The following ZNF83 variants were observed in gnomAD, a reference collection of about 807,000 sequenced individuals.
ZNF83 encodes zinc finger protein 816B.
For synonymous variants in ZNF83, 209 were observed against 213.0 expected (o/e 0.98, Z 0.17); for missense variants, 552 against 629.9 (o/e 0.88, Z 1.32).
intron 1 of ZNF83, among the ~76,000 whole-genome samples, chr19:52,677,695 G>T (rs993554441): frequency 4.6e-5 from 3 of 65,638 alleles, no homozygotes; most frequent in Non-Finnish European, 8.2e-5. Flanking sequence ...GAGACCACAG[G>T]CGTGAAGAAT....
intron 3 of ZNF83, among the ~76,000 whole-genome samples, chr19:52,645,803 C>CG (rs548393661): frequency 1.8e-4 from 8 of 44,718 alleles, no homozygotes; most frequent in South Asian, 1.4e-3. Flanking sequence ...TGAGATTCTG[C>CG]CCCCCCCCAA....
At position 52,687,635 on chromosome 19, in the gene ZNF83, A is replaced by ATATATATATATATATATAATG. The variant is rs2062066146; in HGVS notation, c.-283+2807_-283+2808insCATTATATATATATATATATA. Reference sequence around the variant, plus strand: ...TAATGTGTATATATATATATAATGTATATATATATATATATATATATAATG... The same window carrying ATATATATATATATATATAATG: ...TAATGTGTATATATATATATAATGTATATATATATATATATATAATGTATATATATATATATATATATAATG... On this transcript the variant is annotated intron_variant, in intron 1 of 5. Coordinates refer to the ZNF83 transcript ENST00000594682. 1.4e-4 allele frequency among the ~76,000 whole-genome samples: 2 copies of ATATATATATATATATATAATG among 14,720 alleles called. 1 individual carries two copies. Among genetic ancestry groups the ATATATATATATATATATAATG allele is most frequent in the Non-Finnish European group, 2.5e-4 (2 of 7,852 alleles). The allele number at this position is 14,720 out of a possible 152,430, so 9.7% of individuals were successfully genotyped here.
intron 2 of ZNF83, among the ~76,000 whole-genome samples, chr19:52,628,355 T>G (rs1034362388): frequency 6.6e-5 from 10 of 152,164 alleles, no homozygotes; most frequent in Non-Finnish European, 1.5e-4. Flanking sequence ...TGGCCTCTTT[T>G]TACTCTCTTC....
intron 1 of ZNF83, 121 bp from the exon 2 acceptor site, chr19:52,635,274 C>T: frequency 2.1e-6 from 1 of 467,216 alleles, no homozygotes; most frequent in South Asian, 5.1e-5. Flanking sequence ...CTGCCCACTG[C>T]ACCAGAGACG....
At chr19:52,637,867 A>C (rs1370370491) in intron 1 of ZNF83, among the ~76,000 whole-genome samples, 1 of 151,752 alleles carries the variant, frequency 6.6e-6, no homozygotes. Flanking sequence ...GGTGGGGGGG[A>C]GACGGCGCCT....
intron 3 of ZNF83, among the ~76,000 whole-genome samples, chr19:52,645,398 G>T (rs2061359310): frequency 6.6e-6 from 1 of 152,076 alleles, no homozygotes; most frequent in African/African-American, 2.4e-5. Flanking sequence ...GGGGTCAACA[G>T]GAAAATAACT....
At chr19:52,614,368 T>G (rs1349259330) in exon 3 of ZNF83, 2 of 1,612,838 alleles carry the variant, frequency 1.2e-6, no homozygotes, top group Admixed American at 3.3e-5. Flanking sequence ...ATGAGAAATG[T>G]GGGTTTTGAC....
chr19:52,649,051 C>T (rs1444991522), intron 3 of ZNF83, among the ~76,000 whole-genome samples: 1 of 152,168 alleles, frequency 6.6e-6, no homozygotes, highest in Admixed American at 6.5e-5. Flanking sequence ...CCCGCCGGGT[C>T]CCCACCCACT....
At chr19:52,661,763 C>G (rs1278724111) in intron 1 of ZNF83, among the ~76,000 whole-genome samples, 1 of 152,126 alleles carries the variant, frequency 6.6e-6, no homozygotes, top group Non-Finnish European at 1.5e-5. Flanking sequence ...TCACACAGAA[C>G]AGGTAACATG....
chr19:52,638,288 A>G (rs2061221440), intron 1 of ZNF83, 24 bp downstream of exon 1: 1 of 151,560 alleles, frequency 6.6e-6, no homozygotes, highest in African/African-American at 2.4e-5. Context: ...GTAAGCGCAG[A>G]CTTAATAGAA....
At chr19:52,648,458 AAAAG>A (rs1011899064) in intron 3 of ZNF83, among the ~76,000 whole-genome samples, 21 of 150,750 alleles carry the variant, frequency 1.4e-4, no homozygotes, top group African/African-American at 2.0e-4. Context: ...AAGGAAAAAA[AAAAG>A]AGAGAGAGAG....
chr19:52,675,512 C>G (rs1394165783), intron 1 of ZNF83, among the ~76,000 whole-genome samples: 3 of 152,082 alleles, frequency 2.0e-5, no homozygotes, highest in African/African-American at 7.3e-5. Flanking sequence ...ATACCCTGCA[C>G]ACACTGATTT....
rs143833133 is a variant in ZNF83 at position 52,613,312 on chromosome 19, T to C, written c.1253A>G (p.Tyr418Cys). Residue 418 changes from tyrosine (Y) to cysteine (C), a missense_variant, in exon 3 of 3, where the codon TAT becomes TGT. By Grantham distance (194) the Tyr-to-Cys change is radical. Coordinates refer to ENST00000301096, the Ensembl canonical transcript of ZNF83. The stretch of plus-strand genomic sequence containing the variant: ...TTCTCCAGTATGAATTCTCCAATGA[T>C]ATGCAAGGTATGAATTTTGACTGAA... The C allele has an allele frequency of 4.3e-6, 7 of 1,614,188 alleles. No individual in the cohort carries two copies. The African/African-American group carries it at 8.0e-5, about 18-fold the overall frequency.
intron 2 of ZNF83, among the ~76,000 whole-genome samples, chr19:52,659,963 C>T (rs774136893): frequency 3.9e-5 from 6 of 152,070 alleles, no homozygotes; most frequent in African/African-American, 4.8e-5. Flanking sequence ...GAGGCTGAGG[C>T]GGGCAGATCA....
chr19:52,659,324 G>C (rs2061547403), intron 2 of ZNF83, among the ~76,000 whole-genome samples: 1 of 152,140 alleles, frequency 6.6e-6, no homozygotes, highest in South Asian at 2.1e-4. Context: ...TGAGTAATCA[G>C]TAAGTCATTG....
intron 2 of ZNF83, among the ~76,000 whole-genome samples, chr19:52,631,627 G>C (rs1156286162): frequency 6.6e-6 from 1 of 152,066 alleles, no homozygotes; most frequent in Non-Finnish European, 1.5e-5. Flanking sequence ...CTTCAATCCG[G>C]CCTCCCACAT....
At chr19:52,648,491 A>G (rs1356001872) in intron 3 of ZNF83, among the ~76,000 whole-genome samples, 1 of 152,170 alleles carries the variant, frequency 6.6e-6, no homozygotes, top group African/African-American at 2.4e-5. Flanking sequence ...AAATTCTTCT[A>G]CTGTTACTCA....
intron 1 of ZNF83, among the ~76,000 whole-genome samples, chr19:52,680,992 AG>A (rs1182480910): frequency 1.3e-5 from 2 of 151,988 alleles, no homozygotes; most frequent in Non-Finnish European, 2.9e-5. Context: ...ACAAATAAAA[AG>A]GAAACACAGG....
intron 2 of ZNF83, among the ~76,000 whole-genome samples, chr19:52,626,494 C>A (rs1264171727): frequency 2.0e-5 from 3 of 152,188 alleles, no homozygotes; most frequent in Admixed American, 6.5e-5. Flanking sequence ...CAGGACCCAT[C>A]TGGACACTTT....
Sources: gnomAD v4.1 joint callset for allele counts (sites outside exome capture counted in the v4.1 genomes callset) on GRCh38, gnomAD v4.1.1 for gene constraint, MANE v1.5 for transcripts, NCBI Gene and HGNC (gene_info 2026-07-23, HGNC 2026-07-21) for gene names.